Variants in XRN2 observed in about 807,000 individuals in gnomAD.
XRN2 encodes 5'-3' exoribonuclease 2, also known as DHM1-like protein.
Under a neutral mutation model 138.5 loss-of-function variants are expected in XRN2, and 44 were observed. The observed-to-expected ratio is 0.32, with a 90% CI of 0.25 to 0.41. The LOEUF (loss-of-function observed/expected upper bound fraction) is 0.41. XRN2 is among the 10% of genes least tolerant of loss of function. The pLI is 1.00. For synonymous variants in XRN2, 354 were observed against 369.4 expected (o/e 0.96, Z 0.48); for missense variants, 937 against 1,169.3 (o/e 0.80, Z 2.90).
intron 1 of XRN2, among the ~76,000 whole-genome samples, chr20:21,312,563 C>A (rs955050140): frequency 6.6e-6 from 1 of 151,522 alleles, no homozygotes; most frequent in Non-Finnish European, 1.5e-5. Flanking sequence ...TGCCTAAACT[C>A]TAGAGAGCCA....
At chr20:21,338,363 G>C (rs1028604232) in intron 13 of XRN2, among the ~76,000 whole-genome samples, 2 of 152,160 alleles carry the variant, frequency 1.3e-5, no homozygotes, top group Non-Finnish European at 2.9e-5. Flanking sequence ...CTACAATTTG[G>C]AAATGAGTAG....
intron 1 of XRN2, among the ~76,000 whole-genome samples, chr20:21,309,794 A>G (rs1224088589): frequency 6.6e-6 from 1 of 150,888 alleles, no homozygotes; most frequent in African/African-American, 2.4e-5. Context: ...TATCCTTTTA[A>G]TATTGTTAGA....
rs1431746017 is a variant in XRN2, at chr20:21,356,245, A to C, written c.2118+68A>C. 1.7e-5 allele frequency: 21 copies of C among 1,227,622 alleles called. No homozygotes were observed. The South Asian group carries it at 2.5e-4, about 14-fold the overall frequency. 76.0% of individuals were successfully genotyped at this position (1,227,622 alleles called of 1,614,324 possible). ...ATTTTGGTAAAATATGCATAACATA[A>C]AATTTACCATTATAACCATTTTTAA... On this transcript the variant is annotated intron_variant, in intron 22 of 29. Transcript: ENST00000377191.
In XRN2 at chr20:21,365,577, C is replaced by G; in HGVS notation, c.2329C>G (p.Pro777Ala). The G allele has an allele frequency of 6.2e-7, 1 of 1,613,186 alleles. No individual in the cohort carries two copies. Among genetic ancestry groups the G allele is most frequent in the Non-Finnish European group, 8.5e-7 (1 of 1,179,822 alleles). The stretch of plus-strand genomic sequence containing the variant: ...GTTGTCTTTTTAAATGGTCAGAAAG[C>G]CAGCAGCAGTACTGAAACCTAGTGA... The part of the protein sequence containing the change: ...KAVMLPGARK[P>A]AAVLKPSDWE... The change falls in exon 26 of 30, where the codon CCA becomes GCA. Residue 777 changes from proline (P) to alanine (A), a missense_variant. Transcript: ENST00000377191.
chr20:21,303,780 C>T (rs2037774030), intron 1 of XRN2: 4 of 1,134,330 alleles, frequency 3.5e-6, no homozygotes, highest in Admixed American at 5.0e-5. Flanking sequence ...TGCTTTGTTT[C>T]CTCTCCAGAC....
intron 26 of XRN2, among the ~76,000 whole-genome samples, chr20:21,368,215 T>C (rs1049528570): frequency 1.3e-5 from 2 of 152,244 alleles, no homozygotes; most frequent in African/African-American, 2.4e-5. Context: ...ATTTTTCGTA[T>C]GATGTAAGTT....
chr20:21,353,231 T>TATATATATATATATATATATAG (rs2038533465), intron 20 of XRN2, among the ~76,000 whole-genome samples: 2 of 21,020 alleles, frequency 9.5e-5, no homozygotes, highest in African/African-American at 2.6e-4. Context: ...AGGATATATA[T>TATATATATATATATATATATAG]ATATATATAT....
chr20:21,386,749 A>G (rs542490100), intron 28 of XRN2, 119 bp from the exon 29 acceptor site: 8 of 1,284,592 alleles, frequency 6.2e-6, no homozygotes, highest in Admixed American at 2.1e-5. Flanking sequence ...TCTGTATCCC[A>G]TATGATAAAT....
chr20:21,365,870 TATATATAATATTATATA>T (rs2038689433), intron 26 of XRN2, among the ~76,000 whole-genome samples, 166 bp downstream of exon 26: 1 of 86,088 alleles, frequency 1.2e-5, no homozygotes, highest in South Asian at 2.7e-4. Flanking sequence ...AATATATAAT[TATATATAATATTATATA>T]ATATATAATT....
At chr20:21,368,351 C>A in intron 26 of XRN2, 112 bp from the exon 27 acceptor site, 1 of 1,316,896 alleles carries the variant, frequency 7.6e-7, no homozygotes. Flanking sequence ...TTATCTTAAT[C>A]AGATCTGTTA....
intron 1 of XRN2, among the ~76,000 whole-genome samples, chr20:21,322,350 T>C (rs941281850): frequency 1.3e-5 from 2 of 152,244 alleles, no homozygotes; most frequent in African/African-American, 4.8e-5. Flanking sequence ...GCCAAAATAC[T>C]GTAATTTCAA....
chr20:21,389,160 C>CTT (rs931457169), intron 29 of XRN2, 113 bp from the exon 30 acceptor site: 129 of 947,116 alleles, frequency 1.4e-4, no homozygotes, highest in Admixed American at 5.6e-4. Context: ...TGTGCTGTAC[C>CTT]TTTAACACAT....
At chr20:21,330,155 C>T (rs1205781960) in intron 4 of XRN2, among the ~76,000 whole-genome samples, 6 of 151,944 alleles carry the variant, frequency 3.9e-5, no homozygotes, top group Admixed American at 2.6e-4. Context: ...TGGTGGCAGG[C>T]GCCTGTAATC....
chr20:21,314,934 C>T (rs1277020265), intron 1 of XRN2, among the ~76,000 whole-genome samples: 2 of 152,120 alleles, frequency 1.3e-5, no homozygotes, highest in African/African-American at 2.4e-5. Flanking sequence ...CTGAATGGGT[C>T]CCCCATGGCT....
In XRN2 at chr20:21,334,129, A is replaced by G; in HGVS notation, c.1177A>G (p.Met393Val). 6.2e-7 allele frequency: 1 copy of G among 1,614,024 alleles called. No homozygotes were observed. Among genetic ancestry groups the G allele is most frequent in the Non-Finnish European group, 8.5e-7 (1 of 1,179,950 alleles). The change falls in exon 13 of 30, where the codon ATG (methionine) becomes GTG (valine). Residue 393 changes from methionine to valine, a missense_variant. By Grantham distance (21) the Met-to-Val change is conservative (BLOSUM62 1). Transcript: ENST00000377191. ...YVNLQRVQMIMLAVGEVEDSI... is the reference protein window; with the variant it reads ...YVNLQRVQMIVLAVGEVEDSI... ...CAATCTGCAAAGAGTACAGATGATC[A>G]TGTTAGCAGTTGGTGAAGTTGAGGA...
intron 1 of XRN2, among the ~76,000 whole-genome samples, chr20:21,306,799 A>G (rs1287562544): frequency 1.3e-5 from 1 of 75,010 alleles, no homozygotes; most frequent in East Asian, 7.1e-4. Flanking sequence ...CACGAGGTCA[A>G]GAGATCCAGA....
At chr20:21,362,291 T>C (rs1390305362) in intron 24 of XRN2, among the ~76,000 whole-genome samples, 1 of 152,222 alleles carries the variant, frequency 6.6e-6, no homozygotes, top group Non-Finnish European at 1.5e-5. Context: ...TTAAATCTCT[T>C]GTTATAACCA....
intron 27 of XRN2, among the ~76,000 whole-genome samples, chr20:21,380,832 A>T (rs2038875107): frequency 6.6e-6 from 1 of 152,180 alleles, no homozygotes; most frequent in African/African-American, 2.4e-5. Flanking sequence ...GCAGCTGCAG[A>T]TGGCTGCCCT....
At position 21,365,634 on chromosome 20, in the gene XRN2, A is replaced by G. The variant is rs1349376094; in HGVS notation, c.2386A>G (p.Lys796Glu). The change falls in exon 26 of 30, where the codon AAG (lysine) becomes GAG (glutamate). Residue 796 changes from lysine (K) to glutamate (E), a missense_variant. By Grantham distance (56) the Lys-to-Glu change is moderately conservative. Around this residue, in one of 6 missense-constraint regions of XRN2, gnomAD observed 372 missense variants for 414.4 expected, o/e 0.90. Coordinates refer to ENST00000377191, the MANE Select transcript of XRN2 (RefSeq NM_012255.5). ...WEKSSNGRQW[K>E]PQLGFNRDRR... ...AAAATCCAGCAATGGACGGCAGTGG[A>G]AGCCTCAGCTTGGCTTTAACCGTGA... 2 of 1,613,260 alleles carry G rather than the reference A, an allele frequency of 1.2e-6. No homozygotes were observed. The highest frequency in any genetic ancestry group is 1.7e-6 in the Non-Finnish European group (2 of 1,179,960).
Sources: allele counts gnomAD v4.1 joint callset (sites outside exome capture counted in the v4.1 genomes callset), GRCh38; gene constraint gnomAD v4.1.1; regional missense constraint gnomAD v4.1.1; transcripts MANE v1.5; gene names NCBI Gene and HGNC (gene_info 2026-07-23, HGNC 2026-07-21).